Variants in CDH18 observed in about 807,000 individuals in gnomAD.
CDH18 encodes cadherin-18.
CDH18 carries 31 observed loss-of-function variants against 67.9 expected under a neutral mutation model. The ratio of observed to expected loss-of-function variants is 0.46; its 90% CI spans 0.34 to 0.62. The LOEUF (loss-of-function observed/expected upper bound fraction) is 0.62, where lower values mean the gene tolerates loss of function less well. Ranked by LOEUF, CDH18 falls within the 20% of genes least tolerant of loss-of-function variation. The pLI is 0.01. For synonymous variants in CDH18, 362 were observed against 347.2 expected, an observed-to-expected ratio of 1.04 and a Z score of -0.48; for missense variants, 890 against 975.5, an observed-to-expected ratio of 0.91 and a Z score of 1.17.
chr5:20,334,809 CAAT>C (rs1739576485), intron 1 of CDH18, among the ~76,000 whole-genome samples: 1 of 150,870 alleles, frequency 6.6e-6, no homozygotes, highest in Non-Finnish European at 1.5e-5. Flanking sequence ...TTCTCCACCT[CAAT>C]AAAGCACAAC....
chr5:19,793,226 G>A (rs2149820627), intron 3 of CDH18, among the ~76,000 whole-genome samples: 1 of 152,224 alleles, frequency 6.6e-6, no homozygotes, highest in South Asian at 2.1e-4. Context: ...ATTCAGGGCT[G>A]TTATTTTTTT....
intron 8 of CDH18, among the ~76,000 whole-genome samples, chr5:19,552,005 T>G (rs1309269330): frequency 6.6e-6 from 1 of 152,194 alleles, no homozygotes; most frequent in Admixed American, 6.5e-5. Flanking sequence ...ACAGTTATAA[T>G]GGAGACTGAT....
At chr5:20,488,800 C>T (rs1753384976) in intron 1 of CDH18, among the ~76,000 whole-genome samples, 1 of 151,026 alleles carries the variant, frequency 6.6e-6, no homozygotes, top group Non-Finnish European at 1.5e-5. Context: ...TTATGTAAAC[C>T]TAAGACCTTA....
intron 2 of CDH18, among the ~76,000 whole-genome samples, chr5:19,969,128 T>G (rs1009677896): frequency 3.4e-5 from 5 of 147,148 alleles, no homozygotes; most frequent in African/African-American, 8.1e-5. Flanking sequence ...GAAATGCAAA[T>G]CAAAACCACA....
chr5:19,895,712 G>T (rs147844093), intron 2 of CDH18, among the ~76,000 whole-genome samples: 2 of 152,056 alleles, frequency 1.3e-5, no homozygotes, highest in South Asian at 2.1e-4. Flanking sequence ...CATAACACTC[G>T]GATGAATCTC....
intron 1 of CDH18, among the ~76,000 whole-genome samples, chr5:20,313,751 A>T (rs1188706594): frequency 6.6e-6 from 1 of 152,010 alleles, no homozygotes; most frequent in African/African-American, 2.4e-5. Context: ...GTGTGGGTGT[A>T]TATATCTGAA....
rs548199545 is a variant in CDH18, at chr5:20,287,586, T to A, written c.-579-32081A>T. Among the ~76,000 whole-genome samples the A allele has an allele frequency of 9.2e-5, 14 of 151,824 alleles. No homozygotes were observed. In the South Asian group the frequency reaches 2.7e-3, roughly 29 times the overall value. On this transcript the variant is annotated intron_variant, in intron 1 of 14. Transcript: ENST00000507958. ...TCACAGCCTTAGAATTTTGCTGAGGTTTAAAATGTTTGATACTAGAATTTT... is the reference window on the plus strand; with the variant it reads ...TCACAGCCTTAGAATTTTGCTGAGGATTAAAATGTTTGATACTAGAATTTT...
At chr5:19,858,107 T>C (rs1784498657) in intron 2 of CDH18, among the ~76,000 whole-genome samples, 1 of 152,154 alleles carries the variant, frequency 6.6e-6, no homozygotes, top group Non-Finnish European at 1.5e-5. Context: ...AAAGTACATT[T>C]TAGGGAAGCA....
In CDH18 at chr5:20,370,456, G is replaced by A. The variant is rs1471792357; in HGVS notation, c.-579-114951C>T. 2.0e-5 allele frequency among the ~76,000 whole-genome samples: 3 copies of A among 152,050 alleles called. No individual in the cohort carries two copies. The East Asian group carries it at 5.8e-4, about 29-fold the overall frequency. ...TGATACTAGCTGGTAGCAGTGCTGA[G>A]GCTTTTTGTCTAGTGTTTTTTGACC... is the stretch of plus-strand genomic sequence containing the variant. On this transcript the variant is annotated intron_variant, in intron 1 of 14. Coordinates refer to the CDH18 transcript ENST00000507958.
chr5:19,687,505 C>T (rs1761273147), intron 5 of CDH18, among the ~76,000 whole-genome samples: 1 of 152,142 alleles, frequency 6.6e-6, no homozygotes, highest in Non-Finnish European at 1.5e-5. Context: ...GGGGAATGGG[C>T]CATGCAGCAA....
intron 1 of CDH18, among the ~76,000 whole-genome samples, chr5:20,328,946 CA>C (rs1738891988): frequency 8.1e-6 from 1 of 122,722 alleles, no homozygotes; most frequent in Non-Finnish European, 2.0e-5. Flanking sequence ...CATTGCACTT[CA>C]GCTCCCCTGG....
rs547392886 is a variant in CDH18, at chr5:19,799,112, C to T, written c.228+39647G>A. 1.2e-4 allele frequency among the ~76,000 whole-genome samples: 19 copies of T among 152,012 alleles called. No individual in the cohort carries two copies. The South Asian group carries it at 2.5e-3, about 20-fold the overall frequency. ...CACCATTAGCAACAATATGGATGAA[C>T]GTAGAAGACACTACGCTTAGCAAAA... On this transcript the variant is annotated intron_variant, in intron 3 of 12. Transcript: ENST00000382275.
At chr5:20,372,176 C>G (rs965449162) in intron 1 of CDH18, among the ~76,000 whole-genome samples, 1 of 152,124 alleles carries the variant, frequency 6.6e-6, no homozygotes, top group African/African-American at 2.4e-5. Context: ...ACGTGAAATA[C>G]AGCTGAGTGG....
At chr5:20,505,961 C>T (rs1273085034) in intron 1 of CDH18, among the ~76,000 whole-genome samples, 2 of 151,900 alleles carry the variant, frequency 1.3e-5, no homozygotes, top group African/African-American at 4.8e-5. Flanking sequence ...ATGCCTGGTC[C>T]CTGTGGCTTT....
chr5:19,987,404 TA>T (rs113539958), intron 1 of CDH18, among the ~76,000 whole-genome samples: 10 of 152,100 alleles, frequency 6.6e-5, no homozygotes, highest in African/African-American at 1.9e-4. Flanking sequence ...TTAACAAACA[TA>T]AATAAAGTGT....
intron 5 of CDH18, among the ~76,000 whole-genome samples, chr5:19,695,919 A>G (rs1476927809): frequency 6.6e-6 from 1 of 152,200 alleles, no homozygotes; most frequent in East Asian, 1.9e-4. Flanking sequence ...CTATTATCAA[A>G]TAAGATGATC....
rs547230568 is a variant in CDH18, at chr5:20,244,092, G to A, written c.-518+11352C>T. On this transcript the variant is annotated intron_variant, in intron 2 of 14. Transcript: ENST00000507958. ...TATATTTTGCTTAGAAGATATATAT[G>A]CCAAATATTATGATTTTAACATATG... is the stretch of plus-strand genomic sequence containing the variant. 7.9e-5 allele frequency among the ~76,000 whole-genome samples: 12 copies of A among 152,200 alleles called. No homozygotes were observed. The East Asian group carries it at 1.9e-3, about 24-fold the overall frequency.
intron 1 of CDH18, among the ~76,000 whole-genome samples, chr5:20,491,181 G>A (rs1418150749): frequency 6.7e-6 from 1 of 150,008 alleles, no homozygotes; most frequent in African/African-American, 2.5e-5. Flanking sequence ...ATGATGTTTA[G>A]GTATAGTATT....
At chr5:19,558,642 C>T (rs1157771954) in intron 8 of CDH18, among the ~76,000 whole-genome samples, 2 of 151,654 alleles carry the variant, frequency 1.3e-5, no homozygotes, top group Non-Finnish European at 3.0e-5. Context: ...GTGAGATTGA[C>T]AGGGTAATTA....
Sources: allele counts gnomAD v4.1 joint callset (sites outside exome capture counted in the v4.1 genomes callset), GRCh38; gene constraint gnomAD v4.1.1; transcripts MANE v1.5; gene names NCBI Gene and HGNC (gene_info 2026-07-23, HGNC 2026-07-21).